Variants in FMO4 observed in about 807,000 individuals in gnomAD.
FMO4 encodes dimethylaniline monooxygenase [N-oxide-forming] 4.
FMO4 carries 38 observed loss-of-function variants against 43.3 expected under a neutral mutation model. The ratio of observed to expected loss-of-function variants is 0.88; its 90% CI spans 0.68 to 1.15. FMO4 has a LOEUF of 1.15. FMO4 is among the 50% of genes most tolerant of loss of function. The pLI, the probability that FMO4 is intolerant of heterozygous loss-of-function variation, is 0.00. For synonymous variants in FMO4, 224 were observed against 232.2 expected (o/e 0.96, Z 0.32); for missense variants, 631 against 663.3 (o/e 0.95, Z 0.54).
At chr1:171,328,610 A>G (rs982415155) in intron 5 of FMO4, among the ~76,000 whole-genome samples, 1 of 151,688 alleles carries the variant, frequency 6.6e-6, no homozygotes, top group Non-Finnish European at 1.5e-5. Context: ...AGATCACGCC[A>G]TTGCACTCCA....
intron 8 of FMO4, among the ~76,000 whole-genome samples, chr1:171,335,220 G>A (rs781738542): frequency 6.6e-6 from 1 of 152,182 alleles, no homozygotes; most frequent in Non-Finnish European, 1.5e-5. Context: ...TGCAATAAGA[G>A]CATAGATACT....
At chr1:171,314,877 C>T (rs1662131345) in intron 1 of FMO4, among the ~76,000 whole-genome samples, 1 of 152,174 alleles carries the variant, frequency 6.6e-6, no homozygotes. Flanking sequence ...TCACCCAAGT[C>T]TCTCCATGTC....
At chr1:171,320,417 C>T (rs1425544377) in intron 3 of FMO4, among the ~76,000 whole-genome samples, 1 of 152,126 alleles carries the variant, frequency 6.6e-6, no homozygotes, top group Non-Finnish European at 1.5e-5. Context: ...GAGGCATGGC[C>T]CCAGATCTTG....
chr1:171,319,892 G>A lies in FMO4; in HGVS notation c.67G>A (p.Asp23Asn). The A allele has an allele frequency of 6.2e-7, 1 of 1,613,926 alleles. No homozygotes were observed. Among genetic ancestry groups the A allele is most frequent in the Non-Finnish European group, 8.5e-7 (1 of 1,179,822 alleles). The change falls in exon 3 of 10, where the codon GAT becomes AAT. Residue 23 changes from aspartate (D) to asparagine (N), a missense_variant. Coordinates refer to ENST00000367749, the MANE Select transcript of FMO4 (RefSeq NM_002022.3). Reference sequence around the variant, plus strand: ...CCTCTCCTCCATCAAATGCTGTGTGGATGAGGACCTGGAGCCCACCTGCTT... The same window carrying A: ...CCTCTCCTCCATCAAATGCTGTGTGAATGAGGACCTGGAGCCCACCTGCTT... Reference protein sequence around the residue: ...SGLSSIKCCVDEDLEPTCFER... With the variant: ...SGLSSIKCCVNEDLEPTCFER...
Position 171,331,792 on chromosome 1 carries a change from C to T in FMO4, c.627+10C>T. 6.2e-7 allele frequency: 1 copy of T among 1,612,802 alleles called. No individual in the cohort carries two copies. Among genetic ancestry groups the T allele is most frequent in the Non-Finnish European group, 8.5e-7 (1 of 1,179,036 alleles). On this transcript the variant is annotated intron_variant, in intron 6 of 9. Coordinates refer to ENST00000367749, the MANE Select transcript of FMO4 (RefSeq NM_002022.3). ...TCGAACGGCAGCTCAGGTACATCAT[C>T]TCTGAATTAATGCCCCTAATCCCAT...
At chr1:171,318,910 G>A (rs547268574) in intron 2 of FMO4, among the ~76,000 whole-genome samples, 12 of 152,232 alleles carry the variant, frequency 7.9e-5, no homozygotes, top group African/African-American at 2.9e-4. Flanking sequence ...ATGGGAAGGG[G>A]AGCATGCAGA....
chr1:171,336,961 GCA>G (rs35512975), intron 8 of FMO4, among the ~76,000 whole-genome samples: 7,403 of 146,840 alleles, frequency 0.05, 273 homozygotes, highest in African/African-American at 0.11. Context: ...ACACAAACAT[GCA>G]CACACACACA....
intron 5 of FMO4, among the ~76,000 whole-genome samples, chr1:171,324,631 T>G (rs1326860162): frequency 6.6e-6 from 1 of 152,132 alleles, no homozygotes; most frequent in Non-Finnish European, 1.5e-5. Flanking sequence ...ACAGGTAATT[T>G]GAATCAGGAC....
chr1:171,333,557 G>A (rs1662990971), intron 7 of FMO4, among the ~76,000 whole-genome samples: 1 of 152,098 alleles, frequency 6.6e-6, no homozygotes, highest in African/African-American at 2.4e-5. Context: ...TCTGTATAGA[G>A]TTGCACATTG....
rs1015046587 is a variant in FMO4, at chr1:171,314,188, A to G, written c.-376A>G. 1 of 152,080 alleles carries G rather than the reference A, an allele frequency of 6.6e-6. No homozygotes were observed. The highest frequency in any genetic ancestry group is 2.4e-5 in the African/African-American group (1 of 41,394). 9.4% of individuals were successfully genotyped at this position (152,080 alleles called of 1,614,324 possible). On this transcript the variant is annotated 5_prime_UTR_variant, in exon 1 of 10. Coordinates refer to ENST00000367749, the MANE Select transcript of FMO4 (RefSeq NM_002022.3). ...AAGTATCACGCTTGCCTCTTACACA[A>G]CTTTTTTTCCTTAGTCTGTATACTT...
chr1:171,324,332 G>A (rs371830287), intron 5 of FMO4, 32 bp downstream of exon 5: 34 of 1,539,098 alleles, frequency 2.2e-5, no homozygotes, highest in Admixed American at 2.0e-4. Context: ...CCATGCCTAT[G>A]CTTCTGGGTT....
chr1:171,315,432 C>CTT (rs547157080), intron 1 of FMO4, among the ~76,000 whole-genome samples: 23 of 148,114 alleles, frequency 1.6e-4, no homozygotes, highest in African/African-American at 5.1e-4. Context: ...GAATTCATAT[C>CTT]TTTTTTTTTT....
At chr1:171,335,514 G>A in intron 8 of FMO4, among the ~76,000 whole-genome samples, 1 of 152,280 alleles carries the variant, frequency 6.6e-6, no homozygotes. Flanking sequence ...AAGAACTGCA[G>A]TTTTCTGTTT....
intron 7 of FMO4, 64 bp downstream of exon 7, chr1:171,332,972 A>T (rs910719759): frequency 2.5e-6 from 2 of 812,816 alleles, no homozygotes; most frequent in Non-Finnish European, 4.1e-6. Context: ...CATTTTATTC[A>T]GAATTCAAAA....
chr1:171,314,468 C>T (rs1193274561), intron 1 of FMO4, 55 bp downstream of exon 1: 1 of 151,838 alleles, frequency 6.6e-6, no homozygotes, highest in Non-Finnish European at 1.5e-5. Flanking sequence ...ACTGCTTTCA[C>T]AAAAGATGAA....
chr1:171,322,885 C>T (rs959338438), intron 3 of FMO4, 119 bp from the exon 4 acceptor site: 2 of 689,758 alleles, frequency 2.9e-6, no homozygotes, highest in Non-Finnish European at 2.5e-6. Context: ...AATAAAATTA[C>T]AAATGGAACA....
At chr1:171,320,397 T>C (rs1427046620) in intron 3 of FMO4, among the ~76,000 whole-genome samples, 1 of 152,114 alleles carries the variant, frequency 6.6e-6, no homozygotes, top group African/African-American at 2.4e-5. Context: ...GGAACAGAAC[T>C]GGCAAGAGTG....
chr1:171,320,657 T>A (rs145822995), intron 3 of FMO4, among the ~76,000 whole-genome samples: 15 of 152,048 alleles, frequency 9.9e-5, no homozygotes, highest in African/African-American at 3.6e-4. Context: ...GGGTATCCAG[T>A]AGGGACTGAG....
In FMO4 at chr1:171,320,299, T is replaced by G. The variant is rs999787115; in HGVS notation, c.132+342T>G. 4.6e-5 allele frequency among the ~76,000 whole-genome samples: 7 copies of G among 152,040 alleles called. No homozygotes were observed. The South Asian group carries it at 1.5e-3, about 32-fold the overall frequency. On this transcript the variant is annotated intron_variant, in intron 3 of 9. Coordinates refer to ENST00000367749, the MANE Select transcript of FMO4 (RefSeq NM_002022.3). ...CATCAGGCAAACTGAATAGCATTGGTGAACATAAAACAGATTACACTCTAG... is the reference window on the plus strand; with the variant it reads ...CATCAGGCAAACTGAATAGCATTGGGGAACATAAAACAGATTACACTCTAG...
Sources: gnomAD v4.1 joint callset for allele counts (sites outside exome capture counted in the v4.1 genomes callset) on GRCh38, gnomAD v4.1.1 for gene constraint, MANE v1.5 for transcripts, NCBI Gene and HGNC (gene_info 2026-07-23, HGNC 2026-07-21) for gene names.